Variants in COL19A1 observed in about 807,000 individuals in gnomAD.
COL19A1 encodes collagen type XIX alpha 1 chain, also known as collagen alpha-1(XIX) chain.
COL19A1 carries 159 observed loss-of-function variants against 190.2 expected under a neutral mutation model. The observed-to-expected ratio is 0.84, with a 90% CI of 0.73 to 0.95. The LOEUF (loss-of-function observed/expected upper bound fraction) is 0.95. Ranked by LOEUF, COL19A1 falls within the 40% of genes least tolerant of loss-of-function variation. The pLI is 0.00. For missense variants in COL19A1, 1,418 were observed against 1,431.9 expected (o/e 0.99, Z 0.16); for synonymous variants, 509 against 458.9 (o/e 1.11, Z -1.39).
chr6:70,085,195 G>A (rs1026180368), intron 15 of COL19A1, among the ~76,000 whole-genome samples: 1 of 152,128 alleles, frequency 6.6e-6, no homozygotes, highest in Non-Finnish European at 1.5e-5. Context: ...TTTGGAATCC[G>A]AAGACTTTTC....
chr6:69,927,354 A>C (rs935663581), intron 4 of COL19A1, among the ~76,000 whole-genome samples: 2 of 152,198 alleles, frequency 1.3e-5, no homozygotes, highest in African/African-American at 4.8e-5. Flanking sequence ...ATTTATTTGT[A>C]TGACAATAGC....
chr6:70,180,261 TGTC>T (rs1484387274), intron 42 of COL19A1, 48 bp from the exon 43 acceptor site: 10 of 1,604,232 alleles, frequency 6.2e-6, no homozygotes, highest in Non-Finnish European at 8.5e-6. Flanking sequence ...AAGCATATGG[TGTC>T]GTTCAGCAAT....
intron 11 of COL19A1, among the ~76,000 whole-genome samples, chr6:69,997,759 A>G (rs1295085817): frequency 6.6e-6 from 1 of 152,184 alleles, no homozygotes; most frequent in Non-Finnish European, 1.5e-5. Flanking sequence ...GACATCAAGC[A>G]TACCAACATG....
chr6:70,078,590 G>T (rs1221785642), intron 15 of COL19A1, among the ~76,000 whole-genome samples: 1 of 152,104 alleles, frequency 6.6e-6, no homozygotes, highest in African/African-American at 2.4e-5. Flanking sequence ...AACCCTCCAG[G>T]AATGGGTGTA....
chr6:70,156,182 A>G lies in COL19A1; in HGVS notation c.2135A>G (p.Glu712Gly). The G allele has an allele frequency of 6.2e-7, 1 of 1,612,296 alleles. No individual in the cohort carries two copies. Among genetic ancestry groups the G allele is most frequent in the Non-Finnish European group, 8.5e-7 (1 of 1,179,326 alleles). Residue 712 changes from glutamate to glycine, a missense_variant, in exon 32 of 51, where the codon GAA becomes GGA. Glu to Gly is a moderately conservative substitution (Grantham distance 98). Transcript: ENST00000620364. Reference protein sequence around the residue: ...SVPGLKSNKGEEGGAGEPGKY... With the variant: ...SVPGLKSNKGGEGGAGEPGKY... Reference sequence around the variant, plus strand: ...CCAGGGCTGAAAAGCAACAAAGGAGAAGAAGGAGGTGCTGGTGAGCCTGGA... The same window carrying G: ...CCAGGGCTGAAAAGCAACAAAGGAGGAGAAGGAGGTGCTGGTGAGCCTGGA...
At chr6:70,052,483 C>T (rs535653512) in intron 14 of COL19A1, among the ~76,000 whole-genome samples, 76 of 152,334 alleles carry the variant, frequency 5.0e-4, no homozygotes, top group Middle Eastern at 3.4e-3. Context: ...AACTATACCG[C>T]TGACTCATTC....
At chr6:69,870,590 G>A (rs1767766217) in intron 1 of COL19A1, among the ~76,000 whole-genome samples, 1 of 152,186 alleles carries the variant, frequency 6.6e-6, no homozygotes, top group South Asian at 2.1e-4. Flanking sequence ...CAGGACAGGT[G>A]GTTGGACAGA....
intron 14 of COL19A1, among the ~76,000 whole-genome samples, chr6:70,054,587 CCTTAA>C (rs1282269475): frequency 6.6e-6 from 1 of 152,108 alleles, no homozygotes; most frequent in Non-Finnish European, 1.5e-5. Flanking sequence ...AGCTTATTTG[CCTTAA>C]CTTGTTTAAT....
At chr6:70,111,612 T>C (rs775293621) in intron 16 of COL19A1, among the ~76,000 whole-genome samples, 1 of 152,192 alleles carries the variant, frequency 6.6e-6, no homozygotes, top group Admixed American at 6.6e-5. Flanking sequence ...ACTGATTACT[T>C]CTTCACTGGC....
At chr6:70,118,464 C>T (rs1372049508) in intron 16 of COL19A1, among the ~76,000 whole-genome samples, 2 of 152,258 alleles carry the variant, frequency 1.3e-5, no homozygotes, top group Admixed American at 6.5e-5. Flanking sequence ...AGGGTTCCTT[C>T]GGACCGCTAG....
chr6:70,165,274 G>T (rs1246524582), intron 36 of COL19A1, among the ~76,000 whole-genome samples: 1 of 152,124 alleles, frequency 6.6e-6, no homozygotes, highest in Non-Finnish European at 1.5e-5. Context: ...CTTTCAACTT[G>T]AATTCATTTT....
Position 70,207,212 on chromosome 6 carries a change from T to C in COL19A1, c.3367T>C (p.Cys1123Arg), listed in dbSNP as rs1164304649. The part of the protein sequence containing the change: ...PQGPPGPSGR[C>R]NPEDCLYPVS... ...GGGCCCCCCAGGACCCAGTGGAAGA[T>C]GTAACCCAGAAGATTGCCTCTATCC... The change falls in exon 51 of 51, where the codon TGT (cysteine) becomes CGT (arginine). Residue 1123 changes from cysteine to arginine, a missense_variant. By Grantham distance (180) the Cys-to-Arg change is radical (BLOSUM62 -3). Coordinates refer to ENST00000620364, the MANE Select transcript of COL19A1 (RefSeq NM_001858.6). 1 of 1,613,922 alleles carries C rather than the reference T, an allele frequency of 6.2e-7. No individual in the cohort carries two copies. The highest frequency in any genetic ancestry group is 8.5e-7 in the Non-Finnish European group (1 of 1,179,970).
At chr6:70,196,698 G>A (rs513631) in intron 48 of COL19A1, among the ~76,000 whole-genome samples, 8,660 of 152,276 alleles carry the variant, frequency 0.057, 839 homozygotes, top group African/African-American at 0.19. Context: ...CTTTGCCTTG[G>A]CAGATGGAAA....
intron 4 of COL19A1, among the ~76,000 whole-genome samples, chr6:69,921,387 A>T (rs1771813051): frequency 8.9e-6 from 1 of 112,540 alleles, no homozygotes. Flanking sequence ...CATATATATC[A>T]TATATATCAT....
chr6:69,889,319 A>G (rs1408298744), intron 2 of COL19A1, among the ~76,000 whole-genome samples: 1 of 152,212 alleles, frequency 6.6e-6, no homozygotes, highest in African/African-American at 2.4e-5. Context: ...GAAATAGGAA[A>G]ACCAAAGCAG....
intron 16 of COL19A1, among the ~76,000 whole-genome samples, chr6:70,110,210 A>G (rs1019079145): frequency 1.3e-5 from 2 of 152,176 alleles, no homozygotes; most frequent in Admixed American, 6.6e-5. Context: ...GACTACATGC[A>G]TTTTGAAGCT....
chr6:70,109,038 A>G (rs9446200), intron 16 of COL19A1, among the ~76,000 whole-genome samples: 9,924 of 152,236 alleles, frequency 0.065, 1,054 homozygotes, highest in African/African-American at 0.23. Context: ...AAAAACACAA[A>G]GCAACAACAA....
intron 46 of COL19A1, among the ~76,000 whole-genome samples, chr6:70,185,618 C>T (rs989128129): frequency 1.8e-4 from 28 of 152,070 alleles, no homozygotes; most frequent in Non-Finnish European, 2.8e-4. Context: ...TTTAATGAAC[C>T]TCAACATTTT....
chr6:70,144,479 T>C (rs936332613), intron 24 of COL19A1, among the ~76,000 whole-genome samples: 19 of 152,150 alleles, frequency 1.2e-4, no homozygotes, highest in African/African-American at 4.6e-4. Flanking sequence ...CAGATGAAGA[T>C]ATCAGGAGTC....
Sources: gnomAD v4.1 joint callset for allele counts (sites outside exome capture counted in the v4.1 genomes callset) on GRCh38, gnomAD v4.1.1 for gene constraint, MANE v1.5 for transcripts, NCBI Gene and HGNC (gene_info 2026-07-23, HGNC 2026-07-21) for gene names.